Variants in STXBP4 observed in about 807,000 individuals in gnomAD.
STXBP4 encodes the protein syntaxin-binding protein 4.
STXBP4 carries 55 observed loss-of-function variants against 76.1 expected under a neutral mutation model. The observed-to-expected ratio is 0.72, with a 90% CI of 0.58 to 0.91. The LOEUF (loss-of-function observed/expected upper bound fraction) is 0.91. Among genes scored for constraint, STXBP4 ranks in the 40% least tolerant of loss-of-function variants. The probability of loss-of-function intolerance (pLI) is 0.00; values close to 1 mark genes in which losing one functional copy is unlikely to be tolerated. For missense variants in STXBP4, 618 were observed against 636.9 expected, an observed-to-expected ratio of 0.97 and a Z score of 0.32; for synonymous variants, 201 against 220.2, an observed-to-expected ratio of 0.91 and a Z score of 0.77.
chr17:55,103,951 T>C (rs1477226882), intron 16 of STXBP4, among the ~76,000 whole-genome samples: 1 of 152,226 alleles, frequency 6.6e-6, no homozygotes, highest in Non-Finnish European at 1.5e-5. Flanking sequence ...TGTATAGGAA[T>C]GCTTGTGATT....
chr17:55,105,650 T>G (rs1235253124), intron 16 of STXBP4, among the ~76,000 whole-genome samples: 3 of 151,614 alleles, frequency 2.0e-5, no homozygotes, highest in Non-Finnish European at 4.4e-5. Context: ...TTTTTTTTTT[T>G]TGTATTTTTA....
chr17:54,988,008 A>T (rs904685183), intron 3 of STXBP4, among the ~76,000 whole-genome samples: 1 of 152,200 alleles, frequency 6.6e-6, no homozygotes, highest in Non-Finnish European at 1.5e-5. Flanking sequence ...ATAATCTAAA[A>T]TTTTAATAAG....
At chr17:55,153,818 A>T (rs942410733) in intron 17 of STXBP4, among the ~76,000 whole-genome samples, 22 of 152,248 alleles carry the variant, frequency 1.4e-4, no homozygotes, top group African/African-American at 5.1e-4. Context: ...TAAATTTAGT[A>T]TTCGTTAATC....
the STXBP4 span, among the ~76,000 whole-genome samples, chr17:55,201,709 C>T: frequency 1.2e-4 from 18 of 152,152 alleles, no homozygotes; most frequent in African/African-American, 4.3e-4. Flanking sequence ...CAGGGACGAC[C>T]AAGGTAAGTC....
chr17:55,201,532 A>C, the STXBP4 span, among the ~76,000 whole-genome samples: 4 of 152,056 alleles, frequency 2.6e-5, no homozygotes, highest in Admixed American at 6.6e-5. Context: ...TAAAGATCAA[A>C]TTTCTTTTTC....
At chr17:55,174,937 C>T (rs12602464), downstream of STXBP4, among the ~76,000 whole-genome samples, 12,594 of 151,918 alleles carry the variant, frequency 0.083, 1,094 homozygotes, top group African/African-American at 0.22. Context: ...GGCAGGAGAA[C>T]GGCGTGAACC....
intron 9 of STXBP4, among the ~76,000 whole-genome samples, chr17:55,031,490 C>T (rs2078508942): frequency 6.6e-6 from 1 of 152,170 alleles, no homozygotes; most frequent in Non-Finnish European, 1.5e-5. Flanking sequence ...TCTAAAATAT[C>T]ATCATTCTGT....
At chr17:54,993,285 T>C (rs1462578006) in intron 4 of STXBP4, among the ~76,000 whole-genome samples, 1 of 152,210 alleles carries the variant, frequency 6.6e-6, no homozygotes, top group Non-Finnish European at 1.5e-5. Flanking sequence ...TACCTGGTCA[T>C]ATCTGACCAA....
intron 11 of STXBP4, 82 bp downstream of exon 11, chr17:55,043,407 T>G (rs1450101562): frequency 2.4e-6 from 2 of 834,168 alleles, no homozygotes; most frequent in Non-Finnish European, 3.5e-6. Flanking sequence ...TCTGAAGCAT[T>G]GGGGCTTAAT....
intron 17 of STXBP4, among the ~76,000 whole-genome samples, chr17:55,147,195 C>G (rs540154880): frequency 6.6e-6 from 1 of 152,216 alleles, no homozygotes; most frequent in African/African-American, 2.4e-5. Flanking sequence ...CACGAGGAAC[C>G]CATTTTGTAG....
intron 16 of STXBP4, among the ~76,000 whole-genome samples, chr17:55,110,716 G>C (rs1400263892): frequency 6.6e-6 from 1 of 152,194 alleles, no homozygotes; most frequent in African/African-American, 2.4e-5. Flanking sequence ...AGTAAACAAA[G>C]GTGTAGTGTT....
chr17:55,006,656 A>G (rs2078013256), intron 7 of STXBP4, among the ~76,000 whole-genome samples: 1 of 152,226 alleles, frequency 6.6e-6, no homozygotes, highest in Non-Finnish European at 1.5e-5. Context: ...ATGGGTAAGA[A>G]GTGTATGACT....
chr17:54,990,385 C>T (rs1178521391), intron 3 of STXBP4, among the ~76,000 whole-genome samples: 2 of 152,130 alleles, frequency 1.3e-5, no homozygotes, highest in Non-Finnish European at 2.9e-5. Flanking sequence ...CTCATAGGAG[C>T]ATGAACCCTA....
intron 12 of STXBP4, among the ~76,000 whole-genome samples, chr17:55,071,046 C>G (rs1176547098): frequency 6.6e-6 from 1 of 152,122 alleles, no homozygotes; most frequent in African/African-American, 2.4e-5. Context: ...TGCTTCACAC[C>G]AACTCCACCA....
the STXBP4 span, among the ~76,000 whole-genome samples, chr17:55,191,362 C>T: frequency 9.2e-5 from 14 of 152,232 alleles, no homozygotes; most frequent in African/African-American, 3.4e-4. Context: ...GCATTTCCAG[C>T]TCTGTGACAC....
At chr17:55,088,625 G>A (rs960263612) in intron 16 of STXBP4, among the ~76,000 whole-genome samples, 2 of 152,120 alleles carry the variant, frequency 1.3e-5, no homozygotes, top group African/African-American at 4.8e-5. Flanking sequence ...TCAAACTCCT[G>A]ACCTCAGGTA....
Position 54,993,323 on chromosome 17 carries a change from T to C in STXBP4, c.180+2366T>C, listed in dbSNP as rs148494586. On this transcript the variant is annotated intron_variant, in intron 4 of 17. Transcript: ENST00000376352. Reference sequence around the variant, plus strand: ...AAAACAGGCAAGATAGAAAAAGGTGTAGGAGAAGAGGACCAGGGGTGATGG... The same window carrying C: ...AAAACAGGCAAGATAGAAAAAGGTGCAGGAGAAGAGGACCAGGGGTGATGG... Among the ~76,000 whole-genome samples, 430 of 152,280 alleles carry C rather than the reference T, an allele frequency of 2.8e-3. 1 individual carries two copies. Among genetic ancestry groups the C allele is most frequent in the Middle Eastern group, 0.014 (4 of 294 alleles).
chr17:54,989,283 A>G (rs1024525529), intron 3 of STXBP4, among the ~76,000 whole-genome samples: 11 of 152,018 alleles, frequency 7.2e-5, no homozygotes, highest in African/African-American at 2.7e-4. Context: ...AATTTTTTGT[A>G]TTTTTAGTAT....
chr17:55,057,347 T>C (rs1257469978), intron 12 of STXBP4, among the ~76,000 whole-genome samples: 1 of 152,224 alleles, frequency 6.6e-6, no homozygotes, highest in Non-Finnish European at 1.5e-5. Context: ...TTAACAGTTT[T>C]ATAAACTACT....
Sources: allele counts gnomAD v4.1 joint callset (sites outside exome capture counted in the v4.1 genomes callset), GRCh38; gene constraint gnomAD v4.1.1; transcripts MANE v1.5; gene names NCBI Gene and HGNC (gene_info 2026-07-23, HGNC 2026-07-21).